KCNMA1: variants seen among roughly 807,000 people sequenced by gnomAD.
KCNMA1 encodes potassium calcium-activated channel subfamily M alpha 1.
Under a neutral mutation model 140.0 loss-of-function variants are expected in KCNMA1, and 29 were observed. The ratio of observed to expected loss-of-function variants is 0.21; its 90% CI spans 0.15 to 0.28. The LOEUF is 0.28. Ranked by LOEUF, KCNMA1 falls within the 10% of genes least tolerant of loss-of-function variation. The pLI, the probability that KCNMA1 is intolerant of heterozygous loss-of-function variation, is 1.00. For synonymous variants in KCNMA1, 612 were observed against 611.9 expected (o/e 1.00, Z 0.00); for missense variants, 880 against 1,602.2 (o/e 0.55, Z 7.70).
At chr10:77,220,747 T>C (rs2154188986) in intron 3 of KCNMA1, among the ~76,000 whole-genome samples, 1 of 149,070 alleles carries the variant, frequency 6.7e-6, no homozygotes, top group African/African-American at 2.4e-5. Flanking sequence ...CCCTTAGCCA[T>C]ATATTCCAGT....
chr10:77,109,909 C>T (rs531043032), intron 8 of KCNMA1, among the ~76,000 whole-genome samples: 7 of 152,168 alleles, frequency 4.6e-5, no homozygotes, highest in Non-Finnish European at 7.3e-5. Flanking sequence ...AACAGCATCA[C>T]TTTTCTTAAG....
chr10:77,423,283 G>A lies in KCNMA1; in HGVS notation c.379-19260C>T, dbSNP rs994525737. Among the ~76,000 whole-genome samples the A allele has an allele frequency of 1.1e-4, 17 of 152,202 alleles. 1 individual carries two copies. The highest frequency in any genetic ancestry group is 6.5e-5 in the Admixed American group (1 of 15,284). ...CCCTATCTTGGGCTCCACATGTCCTGTTTCTCACTGAGAGACCCTGGCAAG... is the reference window on the plus strand; with the variant it reads ...CCCTATCTTGGGCTCCACATGTCCTATTTCTCACTGAGAGACCCTGGCAAG... On this transcript the variant is annotated intron_variant, in intron 1 of 27. Coordinates refer to ENST00000286628, the MANE Select transcript of KCNMA1 (RefSeq NM_001161352.2).
chr10:77,401,235 C>A (rs981805838), intron 2 of KCNMA1, among the ~76,000 whole-genome samples: 2 of 151,958 alleles, frequency 1.3e-5, no homozygotes, highest in African/African-American at 4.8e-5. Context: ...CCGCTCACTG[C>A]AAGTTCCGCC....
chr10:77,287,613 A>G (rs980547164), intron 2 of KCNMA1, among the ~76,000 whole-genome samples: 1 of 152,222 alleles, frequency 6.6e-6, no homozygotes, highest in Non-Finnish European at 1.5e-5. Context: ...AAGTATTTCC[A>G]AATCACAAGC....
At chr10:76,956,578 C>T (rs79283643) in intron 20 of KCNMA1, among the ~76,000 whole-genome samples, 4,210 of 152,238 alleles carry the variant, frequency 0.028, 97 homozygotes, top group Non-Finnish European at 0.044. Flanking sequence ...CCAATTGAAT[C>T]AGTAAAGCAA....
At chr10:77,486,798 C>T (rs564201254) in intron 1 of KCNMA1, among the ~76,000 whole-genome samples, 1 of 152,336 alleles carries the variant, frequency 6.6e-6, no homozygotes, top group African/African-American at 2.4e-5. Context: ...GAAGCAGCTT[C>T]CTCTGTCTCC....
At chr10:77,328,566 C>T (rs1313319259) in intron 2 of KCNMA1, among the ~76,000 whole-genome samples, 2 of 152,234 alleles carry the variant, frequency 1.3e-5, no homozygotes, top group African/African-American at 4.8e-5. Context: ...TGTTTGTCTA[C>T]TCAGACACCT....
In KCNMA1 at chr10:76,962,451, A is replaced by T. The variant is rs1230266569; in HGVS notation, c.2360+7523T>A. Among the ~76,000 whole-genome samples the T allele has an allele frequency of 2.0e-5, 3 of 152,186 alleles. No individual in the cohort carries two copies. The East Asian group carries it at 5.8e-4, about 29-fold the overall frequency. ...CCTGGGAGATGAGAGGCTTGATTAAAAGGAGGTGAATTTCTCATCCCTCCA... is the reference window on the plus strand; with the variant it reads ...CCTGGGAGATGAGAGGCTTGATTAATAGGAGGTGAATTTCTCATCCCTCCA... On this transcript the variant is annotated intron_variant, in intron 20 of 27. Transcript: ENST00000286628.
At chr10:77,637,244 G>A (rs936455584) in intron 1 of KCNMA1, 21 bp downstream of exon 1, 25 of 1,584,240 alleles carry the variant, frequency 1.6e-5, no homozygotes, top group Non-Finnish European at 1.7e-5. Context: ...GCAGAGGGCG[G>A]GCGCCCGGGG....
chr10:77,207,299 G>A (rs2044465381), intron 3 of KCNMA1, among the ~76,000 whole-genome samples: 1 of 152,186 alleles, frequency 6.6e-6, no homozygotes, highest in East Asian at 1.9e-4. Flanking sequence ...TATAGATATT[G>A]GAATATAACA....
At chr10:77,578,406 G>A (rs761886988) in intron 1 of KCNMA1, among the ~76,000 whole-genome samples, 1 of 152,152 alleles carries the variant, frequency 6.6e-6, no homozygotes. Context: ...CTTCTTGGCC[G>A]GAAAATCCCA....
intron 2 of KCNMA1, among the ~76,000 whole-genome samples, chr10:77,378,519 T>A (rs1030899650): frequency 2.6e-5 from 4 of 152,198 alleles, no homozygotes; most frequent in Admixed American, 1.3e-4. Context: ...GCCATATGCA[T>A]TCAAGAGAAA....
intron 15 of KCNMA1, 165 bp downstream of exon 15, chr10:77,039,363 T>C: frequency 7.4e-6 from 5 of 673,868 alleles, no homozygotes; most frequent in South Asian, 1.6e-5. Flanking sequence ...GCAGAGGCCA[T>C]GTAATGACCC....
intron 2 of KCNMA1, among the ~76,000 whole-genome samples, chr10:77,267,742 A>G (rs2063816469): frequency 6.6e-6 from 1 of 152,142 alleles, no homozygotes; most frequent in Admixed American, 6.5e-5. Context: ...ATATTTTCCA[A>G]TCTCATATCA....
chr10:77,462,269 A>G (rs2154524815), intron 1 of KCNMA1, among the ~76,000 whole-genome samples: 1 of 152,258 alleles, frequency 6.6e-6, no homozygotes, highest in Non-Finnish European at 1.5e-5. Context: ...ACCCACACTG[A>G]TGCTAACACA....
intron 5 of KCNMA1, among the ~76,000 whole-genome samples, chr10:77,155,471 C>T (rs1225338447): frequency 1.3e-5 from 2 of 152,136 alleles, no homozygotes. Flanking sequence ...GCTCACCTAG[C>T]AATGAGATGA....
intron 1 of KCNMA1, among the ~76,000 whole-genome samples, chr10:77,496,750 A>C (rs2042109004): frequency 6.6e-6 from 1 of 152,100 alleles, no homozygotes; most frequent in African/African-American, 2.4e-5. Flanking sequence ...CATACAGGTA[A>C]GGTAACTGAA....
chr10:76,898,326 C>A (rs375642216), intron 25 of KCNMA1, among the ~76,000 whole-genome samples: 7 of 151,820 alleles, frequency 4.6e-5, no homozygotes, highest in Admixed American at 2.6e-4. Flanking sequence ...AATATTATAA[C>A]TGAAATATAG....
chr10:76,909,497 C>T (rs2152352678), intron 25 of KCNMA1, among the ~76,000 whole-genome samples: 1 of 152,272 alleles, frequency 6.6e-6, no homozygotes, highest in East Asian at 1.9e-4. Context: ...TTCTGCAGGT[C>T]TAACCTTGGC....
Sources: allele counts gnomAD v4.1 joint callset (sites outside exome capture counted in the v4.1 genomes callset), GRCh38; gene constraint gnomAD v4.1.1; transcripts MANE v1.5; gene names NCBI Gene and HGNC (gene_info 2026-07-23, HGNC 2026-07-21).